The following DLG2 variants were observed in gnomAD, a reference collection of about 807,000 sequenced individuals.
The protein encoded by DLG2 is discs large MAGUK scaffold protein 2.
Under a neutral mutation model 132.5 loss-of-function variants are expected in DLG2, and 45 were observed. The observed-to-expected ratio is 0.34, with a 90% CI of 0.27 to 0.44. DLG2 has a LOEUF of 0.44. DLG2 is among the 20% of genes least tolerant of loss of function. The pLI is 1.00. For missense variants in DLG2, 1,045 were observed against 1,196.9 expected, an observed-to-expected ratio of 0.87 and a Z score of 1.87; for synonymous variants, 424 against 419.6, an observed-to-expected ratio of 1.01 and a Z score of -0.13.
intron 7 of DLG2, among the ~76,000 whole-genome samples, chr11:84,347,318 C>T (rs972868308): frequency 1.3e-5 from 2 of 152,144 alleles, no homozygotes; most frequent in Admixed American, 1.3e-4. Flanking sequence ...CTATCATGCC[C>T]ACAACGTAAG....
chr11:83,958,191 T>C (rs2087424232), intron 14 of DLG2, among the ~76,000 whole-genome samples: 1 of 152,200 alleles, frequency 6.6e-6, no homozygotes, highest in South Asian at 2.1e-4. Flanking sequence ...AACTTGAATA[T>C]ATATTAGATG....
At chr11:84,109,510 G>A (rs1235409059) in intron 9 of DLG2, among the ~76,000 whole-genome samples, 1 of 152,182 alleles carries the variant, frequency 6.6e-6, no homozygotes, top group Non-Finnish European at 1.5e-5. Flanking sequence ...TAATATTTAA[G>A]CTGTTAATTC....
chr11:83,515,826 G>A (rs1329873609), intron 21 of DLG2, among the ~76,000 whole-genome samples: 1 of 152,202 alleles, frequency 6.6e-6, no homozygotes, highest in Non-Finnish European at 1.5e-5. Flanking sequence ...CCATGTAGTT[G>A]AGCGATTTTT....
At chr11:83,729,473 A>G (rs1456172701) in intron 18 of DLG2, among the ~76,000 whole-genome samples, 1 of 152,222 alleles carries the variant, frequency 6.6e-6, no homozygotes, top group African/African-American at 2.4e-5. Flanking sequence ...ATCAAGTCTA[A>G]TAATACAGGA....
intron 6 of DLG2, among the ~76,000 whole-genome samples, chr11:85,016,570 T>C (rs2059595224): frequency 6.6e-6 from 1 of 152,122 alleles, no homozygotes; most frequent in African/African-American, 2.4e-5. Context: ...GCATCTGGTC[T>C]CTCTCAACTC....
intron 6 of DLG2, among the ~76,000 whole-genome samples, chr11:84,905,668 T>A (rs1806142218): frequency 6.6e-6 from 1 of 152,206 alleles, no homozygotes. Context: ...AACACCCTCC[T>A]TTCCTTCAAA....
At chr11:83,910,904 A>G (rs2075925260) in intron 15 of DLG2, among the ~76,000 whole-genome samples, 1 of 152,094 alleles carries the variant, frequency 6.6e-6, no homozygotes, top group South Asian at 2.1e-4. Flanking sequence ...CAACAAATTG[A>G]TATCAAGGGC....
At chr11:84,175,045 CCTTA>C (rs1421632343) in intron 8 of DLG2, among the ~76,000 whole-genome samples, 1 of 152,126 alleles carries the variant, frequency 6.6e-6, no homozygotes, top group African/African-American at 2.4e-5. Flanking sequence ...TCATCCTCAT[CCTTA>C]CTTACTGATG....
At chr11:83,550,325 G>C (rs890096971) in intron 19 of DLG2, among the ~76,000 whole-genome samples, 1 of 152,092 alleles carries the variant, frequency 6.6e-6, no homozygotes, top group Non-Finnish European at 1.5e-5. Flanking sequence ...TCTCTCTTAA[G>C]TCCTCAGTGC....
intron 6 of DLG2, among the ~76,000 whole-genome samples, chr11:84,834,741 T>C (rs1416839203): frequency 2.0e-5 from 3 of 150,610 alleles, no homozygotes; most frequent in African/African-American, 7.3e-5. Flanking sequence ...AGATACACTG[T>C]ATGAGATTTG....
chr11:83,721,962 G>A (rs1215584434), intron 18 of DLG2, among the ~76,000 whole-genome samples: 4 of 152,248 alleles, frequency 2.6e-5, no homozygotes, highest in South Asian at 2.1e-4. Flanking sequence ...AAAAAAGTGT[G>A]ACAGTTTGCC....
chr11:85,455,649 A>C (rs1477884647), intron 3 of DLG2, among the ~76,000 whole-genome samples: 1 of 152,110 alleles, frequency 6.6e-6, no homozygotes, highest in Non-Finnish European at 1.5e-5. Context: ...AGTATGATGT[A>C]GGCTGTGGGT....
chr11:84,001,300 T>C (rs1009068217), intron 11 of DLG2, among the ~76,000 whole-genome samples: 1 of 148,082 alleles, frequency 6.8e-6, no homozygotes, highest in Non-Finnish European at 1.5e-5. Context: ...GCGATCCTTA[T>C]ATTGGATAAA....
intron 3 of DLG2, among the ~76,000 whole-genome samples, chr11:85,517,207 C>T (rs2094186349): frequency 6.6e-6 from 1 of 151,782 alleles, no homozygotes; most frequent in Non-Finnish European, 1.5e-5. Context: ...GCAGAAAAGA[C>T]ATTCAGTAAA....
At chr11:84,332,082 T>A (rs2154401720) in intron 7 of DLG2, among the ~76,000 whole-genome samples, 1 of 152,250 alleles carries the variant, frequency 6.6e-6, no homozygotes, top group South Asian at 2.1e-4. Context: ...AGGGTATGCA[T>A]CACTTTATGT....
chr11:84,901,094 C>T (rs1385158194), intron 6 of DLG2, among the ~76,000 whole-genome samples: 1 of 151,984 alleles, frequency 6.6e-6, no homozygotes, highest in Non-Finnish European at 1.5e-5. Context: ...AATTAATAGA[C>T]ATTTAAAAAT....
At chr11:85,087,860 A>AAAAAAAAAAAAG (rs1566822706) in intron 6 of DLG2, among the ~76,000 whole-genome samples, 2 of 147,776 alleles carry the variant, frequency 1.4e-5, no homozygotes, top group African/African-American at 5.0e-5. Context: ...AAAAAAAAAA[A>AAAAAAAAAAAAG]AAAAAAAAAC....
At chr11:85,401,304 A>T (rs1166065243) in intron 3 of DLG2, among the ~76,000 whole-genome samples, 1 of 152,126 alleles carries the variant, frequency 6.6e-6, no homozygotes, top group African/African-American at 2.4e-5. Flanking sequence ...CATGCAAAAA[A>T]CTCTCAATAA....
intron 6 of DLG2, among the ~76,000 whole-genome samples, chr11:85,049,091 A>C (rs1384872886): frequency 6.6e-6 from 1 of 152,042 alleles, no homozygotes; most frequent in Non-Finnish European, 1.5e-5. Context: ...TGAGATTCCT[A>C]AAGAAGAAAA....
Sources: allele counts gnomAD v4.1 joint callset (sites outside exome capture counted in the v4.1 genomes callset), GRCh38; gene constraint gnomAD v4.1.1; transcripts MANE v1.5; gene names NCBI Gene and HGNC (gene_info 2026-07-23, HGNC 2026-07-21).